NHS: variants seen among roughly 807,000 people sequenced by gnomAD.
NHS encodes actin remodeling regulator NHS.
A neutral mutation model predicts 72.5 loss-of-function variants in NHS; 5 were observed. The ratio of observed to expected loss-of-function variants is 0.07; its 90% CI spans 0.04 to 0.14. The LOEUF (loss-of-function observed/expected upper bound fraction) is 0.14. Ranked by LOEUF, NHS falls within the 10% of genes least tolerant of loss-of-function variation. NHS has a pLI of 1.00. For missense variants in NHS, 1,072 were observed against 1,355.7 expected (o/e 0.79, Z 3.29); for synonymous variants, 464 against 547.7 (o/e 0.85, Z 2.13).
chrX:17,721,393 C>T lies in NHS; in HGVS notation c.916-48C>T, dbSNP rs1352675721. ...AACTAGGAAATTCCTTATATGTGTG[C>T]TTATGTATAAACTATGATGGCTGAA... On this transcript the variant is annotated intron_variant, in intron 4 of 8. Coordinates refer to ENST00000676302, the MANE Select transcript of NHS (RefSeq NM_001291867.2). 5.2e-6 allele frequency: 6 copies of T among 1,159,876 alleles called. No individual in the cohort carries two copies. The East Asian group carries it at 1.2e-4, about 23-fold the overall frequency.
chrX:17,538,524 G>T (rs1450144316), intron 1 of NHS, among the ~76,000 whole-genome samples: 1 of 111,667 alleles, frequency 9.0e-6, no homozygotes, highest in African/African-American at 3.3e-5. Flanking sequence ...TGAGGAAGCT[G>T]GGGTGTTCTT....
At chrX:17,700,441 C>CA (rs1190315925) in intron 3 of NHS, among the ~76,000 whole-genome samples, 2,732 of 65,230 alleles carry the variant, frequency 0.042, 33 homozygotes, top group Middle Eastern at 0.084. Flanking sequence ...GAGACTGTCT[C>CA]AAAAAAAAAA....
intron 3 of NHS, among the ~76,000 whole-genome samples, chrX:17,708,602 A>G (rs1450762542): frequency 2.7e-5 from 3 of 111,778 alleles, no homozygotes; most frequent in African/African-American, 6.5e-5. Context: ...TAACTGGTGT[A>G]TGGTGTTGGA....
At chrX:17,475,138 A>G (rs1427611276) in intron 1 of NHS, among the ~76,000 whole-genome samples, 1 of 112,200 alleles carries the variant, frequency 8.9e-6, no homozygotes, top group African/African-American at 3.2e-5. Flanking sequence ...CCCCAGTGGC[A>G]TAGATAGGCA....
chrX:17,607,119 T>A (rs967916872), intron 1 of NHS, among the ~76,000 whole-genome samples: 1 of 110,803 alleles, frequency 9.0e-6, no homozygotes, highest in Non-Finnish European at 1.9e-5. Context: ...AAAAGCAAGA[T>A]CTTGTCCAGC....
At chrX:17,685,619 G>A in intron 1 of NHS, among the ~76,000 whole-genome samples, 2 of 111,623 alleles carry the variant, frequency 1.8e-5, no homozygotes, top group East Asian at 5.6e-4. Context: ...CAGGTAACTT[G>A]ATATTTAATA....
chrX:17,379,512 C>T (rs995198855), intron 1 of NHS, among the ~76,000 whole-genome samples: 6 of 112,355 alleles, frequency 5.3e-5, no homozygotes, highest in South Asian at 3.7e-4. Context: ...CGGTGGCTCA[C>T]GCCTGTAATC....
At chrX:17,415,185 T>C (rs771315348) in intron 1 of NHS, among the ~76,000 whole-genome samples, 12 of 111,835 alleles carry the variant, frequency 1.1e-4, no homozygotes, top group Non-Finnish European at 1.5e-4. Flanking sequence ...ACTTGTTCCC[T>C]GGGACACGGT....
chrX:17,623,910 T>C (rs113155473), intron 1 of NHS, among the ~76,000 whole-genome samples: 297 of 112,567 alleles, frequency 2.6e-3, no homozygotes, highest in Middle Eastern at 4.6e-3. Context: ...TCACTGTCAG[T>C]GTAGCCTGCA....
At chrX:17,629,932 C>A (rs2147067387) in intron 1 of NHS, among the ~76,000 whole-genome samples, 1 of 109,586 alleles carries the variant, frequency 9.1e-6, no homozygotes, top group South Asian at 4.0e-4. Context: ...GTGATCTGAC[C>A]TATTTGGGAC....
At chrX:17,510,515 A>G (rs919416991) in intron 1 of NHS, among the ~76,000 whole-genome samples, 2 of 112,539 alleles carry the variant, frequency 1.8e-5, no homozygotes, top group Non-Finnish European at 3.8e-5. Context: ...TGGGGAAAGC[A>G]TTGCTTCCCA....
intron 1 of NHS, among the ~76,000 whole-genome samples, chrX:17,501,823 G>A (rs989412666): frequency 1.8e-5 from 2 of 112,232 alleles, no homozygotes; most frequent in African/African-American, 3.2e-5. Context: ...CCCTTTCAGC[G>A]AGAAACCAAG....
At chrX:17,605,449 A>C (rs921480566) in intron 1 of NHS, among the ~76,000 whole-genome samples, 1 of 111,648 alleles carries the variant, frequency 9.0e-6, no homozygotes, top group Non-Finnish European at 1.9e-5. Context: ...ACAACAAGCC[A>C]GTGGGTAGCT....
intron 1 of NHS, among the ~76,000 whole-genome samples, chrX:17,638,773 GGA>G (rs2147074155): frequency 8.9e-6 from 1 of 112,264 alleles, no homozygotes; most frequent in African/African-American, 3.2e-5. Context: ...TGGTTGCTAT[GGA>G]TAATAATAGC....
chrX:17,573,465 C>T (rs920075074), intron 1 of NHS, among the ~76,000 whole-genome samples: 7 of 108,928 alleles, frequency 6.4e-5, no homozygotes, highest in Admixed American at 4.0e-4. Context: ...TCTGCTTGAT[C>T]GAGTCAGCTA....
In NHS at chrX:17,728,045, A is replaced by C. The variant is rs1170584178; in HGVS notation, c.3939A>C (p.Glu1313Asp). 8.3e-7 allele frequency: 1 copy of C among 1,210,114 alleles called. No homozygotes were observed. The highest frequency in any genetic ancestry group is 1.1e-6 in the Non-Finnish European group (1 of 895,333). ...VQKAPSAGLEEVAQPESVDVI... is the reference protein window; with the variant it reads ...VQKAPSAGLEDVAQPESVDVI... Reference sequence around the variant, plus strand: ...AGGCACCCTCTGCAGGTCTGGAGGAAGTTGCACAACCTGAATCTGTGGATG... The same window carrying C: ...AGGCACCCTCTGCAGGTCTGGAGGACGTTGCACAACCTGAATCTGTGGATG... The change falls in exon 7 of 9, where the codon GAA (glutamate) becomes GAC (aspartate). Residue 1313 changes from glutamate to aspartate, a missense_variant. Glu to Asp is a conservative substitution (Grantham distance 45). Coordinates refer to ENST00000676302, the MANE Select transcript of NHS (RefSeq NM_001291867.2).
intron 1 of NHS, among the ~76,000 whole-genome samples, chrX:17,510,799 G>A (rs2146930381): frequency 8.9e-6 from 1 of 112,376 alleles, no homozygotes; most frequent in Non-Finnish European, 1.9e-5. Flanking sequence ...AGGCTTCGTG[G>A]CCTATTTAAC....
At chrX:17,489,440 G>A (rs761620828) in intron 1 of NHS, among the ~76,000 whole-genome samples, 6 of 111,745 alleles carry the variant, frequency 5.4e-5, no homozygotes, top group East Asian at 5.6e-4. Context: ...TCTCCACATC[G>A]TCTCCAGCAC....
chrX:17,616,061 G>A (rs1356255986), intron 1 of NHS, among the ~76,000 whole-genome samples: 3 of 112,639 alleles, frequency 2.7e-5, no homozygotes, highest in African/African-American at 9.7e-5. Flanking sequence ...CCAGCTAGTG[G>A]CCTGGCCCTA....
Sources: gnomAD v4.1 joint callset for allele counts (sites outside exome capture counted in the v4.1 genomes callset) on GRCh38, gnomAD v4.1.1 for gene constraint, MANE v1.5 for transcripts, NCBI Gene and HGNC (gene_info 2026-07-23, HGNC 2026-07-21) for gene names.